Variants in DARS1 observed in about 807,000 individuals in gnomAD.
DARS1 encodes the protein aspartate--tRNA ligase, cytoplasmic.
In DARS1, 51 loss-of-function variants were observed where a neutral mutation model predicts 68.8. The observed-to-expected ratio is 0.74, with a 90% CI of 0.59 to 0.94. DARS1 has a LOEUF of 0.94. Ranked by LOEUF, DARS1 falls within the 40% of genes least tolerant of loss-of-function variation. The probability of loss-of-function intolerance (pLI) is 0.00; values close to 1 mark genes in which losing one functional copy is unlikely to be tolerated. For synonymous variants in DARS1, 203 were observed against 190.4 expected (o/e 1.07, Z -0.55); for missense variants, 607 against 597.3 (o/e 1.02, Z -0.17).
chr2:135,942,557 G>A (rs1323530344), intron 5 of DARS1, among the ~76,000 whole-genome samples: 1 of 151,924 alleles, frequency 6.6e-6, no homozygotes, highest in Non-Finnish European at 1.5e-5. Flanking sequence ...TAATGTAAAT[G>A]ACGAGTTAAT....
Position 135,907,263 on chromosome 2 carries a change from A to C in DARS1, c.*53T>G. ...CTTTCTTTTTTTTTTTTTTTTTTTG[A>C]GGCAGGGTCTCGCTCTGTCATCCAC... is the stretch of plus-strand genomic sequence containing the variant. On this transcript the variant is annotated 3_prime_UTR_variant, in exon 16 of 16. Transcript: ENST00000264161. 3.5e-6 allele frequency: 1 copy of C among 284,676 alleles called. No homozygotes were observed. Among genetic ancestry groups the C allele is most frequent in the Non-Finnish European group, 5.6e-6 (1 of 179,464 alleles). The allele number at this position is 284,676 out of a possible 1,614,324, so 17.6% of individuals were successfully genotyped here. A position where few individuals can be genotyped will look rare whatever the true frequency, so the allele number is the denominator to read the frequency against.
At chr2:135,975,708 C>T (rs1682481733) in intron 3 of DARS1, among the ~76,000 whole-genome samples, 1 of 143,794 alleles carries the variant, frequency 7.0e-6, no homozygotes, top group Non-Finnish European at 1.5e-5. Flanking sequence ...GAACCGAGAC[C>T]ACACCACTGC....
At chr2:135,936,533 T>C (rs183981495) in intron 5 of DARS1, among the ~76,000 whole-genome samples, 2 of 152,286 alleles carry the variant, frequency 1.3e-5, no homozygotes, top group East Asian at 1.9e-4. Context: ...AGCACTGGGA[T>C]TGCAGGTGTG....
rs1020059965 is a variant in DARS1, at chr2:135,907,024, A to G, written c.*292T>C. Reference sequence around the variant, plus strand: ...TCTTAACGTTTACTGTAGTAACAGAATATGAATTTGTAACATAACCATATG... The same window carrying G: ...TCTTAACGTTTACTGTAGTAACAGAGTATGAATTTGTAACATAACCATATG... On this transcript the variant is annotated 3_prime_UTR_variant, in exon 16 of 16. Transcript: ENST00000264161. The G allele has an allele frequency of 1.0e-5, 2 of 197,506 alleles. No individual in the cohort carries two copies. Among genetic ancestry groups the G allele is most frequent in the Admixed American group, 1.1e-4 (2 of 17,394 alleles). 12.2% of individuals were successfully genotyped at this position (197,506 alleles called of 1,614,324 possible). A position where few individuals can be genotyped will look rare whatever the true frequency, so the allele number is the denominator to read the frequency against.
At chr2:135,965,258 A>G (rs929277152) in intron 3 of DARS1, among the ~76,000 whole-genome samples, 3 of 152,182 alleles carry the variant, frequency 2.0e-5, no homozygotes, top group African/African-American at 7.2e-5. Context: ...TCTATATACA[A>G]AATAAATCAA....
At chr2:135,939,945 A>G (rs895947838) in intron 5 of DARS1, among the ~76,000 whole-genome samples, 1 of 152,238 alleles carries the variant, frequency 6.6e-6, no homozygotes, top group African/African-American at 2.4e-5. Flanking sequence ...ACACCCTCCC[A>G]AGACTAAACC....
At chr2:135,927,528 A>G (rs1681245395) in intron 7 of DARS1, among the ~76,000 whole-genome samples, 1 of 152,156 alleles carries the variant, frequency 6.6e-6, no homozygotes, top group South Asian at 2.1e-4. Context: ...AAATCTAAAA[A>G]TTGTTTTGGG....
intron 7 of DARS1, among the ~76,000 whole-genome samples, chr2:135,925,735 T>A (rs1249234248): frequency 6.6e-6 from 1 of 152,200 alleles, no homozygotes; most frequent in Non-Finnish European, 1.5e-5. Context: ...GAAAAAGACT[T>A]GCATTTTTTT....
At chr2:135,914,240 C>T (rs535764400) in intron 12 of DARS1, among the ~76,000 whole-genome samples, 2 of 152,090 alleles carry the variant, frequency 1.3e-5, no homozygotes, top group South Asian at 4.1e-4. Context: ...AGAACAACTT[C>T]GTAAAAATAT....
At chr2:135,915,489 T>A (rs1357269450) in intron 11 of DARS1, among the ~76,000 whole-genome samples, 1 of 152,088 alleles carries the variant, frequency 6.6e-6, no homozygotes, top group Non-Finnish European at 1.5e-5. Flanking sequence ...CATCTCTCTG[T>A]GTTGTCCAGG....
At chr2:135,981,755 A>G (rs183551215) in intron 2 of DARS1, among the ~76,000 whole-genome samples, 2 of 150,748 alleles carry the variant, frequency 1.3e-5, no homozygotes, top group Admixed American at 1.3e-4. Flanking sequence ...CGCAGCCTTG[A>G]CCTCACAGGC....
At chr2:135,915,145 A>G (rs1409445907) in intron 11 of DARS1, among the ~76,000 whole-genome samples, 1 of 152,116 alleles carries the variant, frequency 6.6e-6, no homozygotes, top group Non-Finnish European at 1.5e-5. Flanking sequence ...TTTTGGGTGA[A>G]TTGTTTTTTG....
intron 3 of DARS1, among the ~76,000 whole-genome samples, chr2:135,963,003 A>G (rs1682133637): frequency 6.6e-6 from 1 of 152,188 alleles, no homozygotes; most frequent in African/African-American, 2.4e-5. Flanking sequence ...AGCAGCACCA[A>G]CCTAGCTGCC....
At position 135,933,572 on chromosome 2, in the gene DARS1, T is replaced by G. The variant is rs78919277; in HGVS notation, c.504+338A>C. ...AATTTTTTCATAAAATGTTATTAGC[T>G]TCATTATTTACATAATACTACATAT... is the stretch of plus-strand genomic sequence containing the variant. On this transcript the variant is annotated intron_variant, in intron 6 of 15. Transcript: ENST00000264161. 7.7e-3 allele frequency among the ~76,000 whole-genome samples: 1,168 copies of G among 152,302 alleles called. 99 individuals carry two copies. The East Asian group carries it at 0.2, about 25-fold the overall frequency.
rs112205661 is a variant in DARS1, at chr2:135,920,590, C to T, written c.822G>A (p.Ala274=). The T allele has an allele frequency of 1.8e-4, 286 of 1,598,628 alleles. 1 individual carries two copies. The African/African-American group carries it at 3.3e-3, about 18-fold the overall frequency. The change falls in exon 10 of 16, where the codon GCG becomes GCA. Residue 274 remains alanine, a synonymous_variant. Coordinates refer to ENST00000264161, the MANE Select transcript of DARS1 (RefSeq NM_001349.4). ...GATGTCTATGGGTATTAGAGTCTTCCGCTCTGAATACTGTGAAGTTAATAA... is the reference window on the plus strand; with the variant it reads ...GATGTCTATGGGTATTAGAGTCTTCTGCTCTGAATACTGTGAAGTTAATAA... ...KVFSIGPVFR[A]EDSNTHRHLT... is the part of the protein sequence containing the mutation.
Position 135,908,040 on chromosome 2 carries a change from T to A in DARS1, c.1415-633A>T, listed in dbSNP as rs565314139. 1.8e-3 allele frequency among the ~76,000 whole-genome samples: 267 copies of A among 152,296 alleles called. 2 individuals carry two copies. Among genetic ancestry groups the A allele is most frequent in the African/African-American group, 6.1e-3 (252 of 41,568 alleles). ...GATAGGAAACAAGTTACAAGATACA[T>A]TAAAGTATTTCTTCTCCATCCGGAC... is the stretch of plus-strand genomic sequence containing the variant. On this transcript the variant is annotated intron_variant, in intron 15 of 15. Coordinates refer to ENST00000264161, the MANE Select transcript of DARS1 (RefSeq NM_001349.4).
At chr2:135,965,538 C>A (rs909830397) in intron 3 of DARS1, among the ~76,000 whole-genome samples, 1 of 152,194 alleles carries the variant, frequency 6.6e-6, no homozygotes, top group African/African-American at 2.4e-5. Flanking sequence ...CTCAAATGAG[C>A]AAAGATTTAA....
intron 3 of DARS1, among the ~76,000 whole-genome samples, chr2:135,962,211 T>C (rs1295125762): frequency 1.3e-5 from 2 of 152,324 alleles, no homozygotes; most frequent in African/African-American, 4.8e-5. Context: ...TATTCCTTCT[T>C]CTTTGATAAA....
intron 8 of DARS1, among the ~76,000 whole-genome samples, 159 bp from the exon 9 acceptor site, chr2:135,923,077 T>A (rs1029822644): frequency 6.6e-6 from 1 of 152,330 alleles, no homozygotes; most frequent in South Asian, 2.1e-4. Context: ...TCATCTTCTA[T>A]GTGATTCTAA....
Sources: gnomAD v4.1 joint callset for allele counts (sites outside exome capture counted in the v4.1 genomes callset) on GRCh38, gnomAD v4.1.1 for gene constraint, MANE v1.5 for transcripts, NCBI Gene and HGNC (gene_info 2026-07-23, HGNC 2026-07-21) for gene names.